Variants in LDHC observed in about 807,000 individuals in gnomAD.
The protein encoded by LDHC is L-lactate dehydrogenase C chain.
A neutral mutation model predicts 30.2 loss-of-function variants in LDHC; 20 were observed. The ratio of observed to expected loss-of-function variants is 0.66; its 90% confidence interval spans 0.47 to 0.96. The LOEUF is 0.96. Ranked by LOEUF, LDHC falls within the 40% of genes least tolerant of loss-of-function variation. The pLI is 0.00. For synonymous variants in LDHC, 139 were observed against 132.7 expected, an observed-to-expected ratio of 1.05 and a Z score of -0.32; for missense variants, 362 against 394.9, an observed-to-expected ratio of 0.92 and a Z score of 0.71.
Position 18,451,061 on chromosome 11 carries a change from G to T in LDHC, c.933G>T (p.Glu311Asp). The change falls in exon 8 of 8, where the codon GAG becomes GAT. Residue 311 changes from glutamate (E) to aspartate (D), a missense_variant. Physicochemically the swap from Glu to Asp is conservative, Grantham distance 45. Coordinates refer to ENST00000541669, the MANE Select transcript of LDHC (RefSeq NM_017448.5). ...SDVVKINLNS[E>D]EEALFKKSAE... ...TTGTGAAAATTAACTTGAATTCTGAGGAGGAGGCCCTTTTCAAGAAGAGTG... is the reference window on the plus strand; with the variant it reads ...TTGTGAAAATTAACTTGAATTCTGATGAGGAGGCCCTTTTCAAGAAGAGTG... The T allele has an allele frequency of 6.3e-7, 1 of 1,590,082 alleles. No individual in the cohort carries two copies. The highest frequency in any genetic ancestry group is 1.2e-5 in the South Asian group (1 of 85,876).
At chr11:18,429,390 C>T (rs376609405) in intron 3 of LDHC, among the ~76,000 whole-genome samples, 7 of 152,044 alleles carry the variant, frequency 4.6e-5, no homozygotes, top group Non-Finnish European at 7.4e-5. Flanking sequence ...GGATTACAGG[C>T]GTGAGCCACT....
chr11:18,438,755 T>C (rs1467382217), intron 6 of LDHC, 110 bp downstream of exon 6: 3 of 590,442 alleles, frequency 5.1e-6, no homozygotes, highest in Non-Finnish European at 6.1e-6. Flanking sequence ...TAAATAACTC[T>C]AGGCTCCTGA....
chr11:18,412,985 CCCTTCCTTCCTT>C (rs201993031), intron 2 of LDHC, 142 bp downstream of exon 2: 435 of 356,416 alleles, frequency 1.2e-3, no homozygotes, highest in African/African-American at 9.2e-3. Flanking sequence ...CTCCCTCCCT[CCCTTCCTTCCTT>C]CCTTCCTTCC....
At chr11:18,444,475 G>C (rs557241867) in intron 6 of LDHC, among the ~76,000 whole-genome samples, 5 of 151,348 alleles carry the variant, frequency 3.3e-5, no homozygotes, top group African/African-American at 1.2e-4. Flanking sequence ...CAGAATTGAG[G>C]GTCTAAAAGT....
rs1848329541 is a variant in LDHC at position 18,434,847 on chromosome 11, G to A, written c.526G>A (p.Glu176Lys). The change falls in exon 5 of 8, where the codon GAA becomes AAA. Residue 176 changes from glutamate (E) to lysine (K), a missense_variant. Coordinates refer to ENST00000541669, the MANE Select transcript of LDHC (RefSeq NM_017448.5). Reference sequence around the variant, plus strand: ...TGCCCGTTTCCGTTACCTAATTGGAGAAAAGTTGGGTGTCCACCCCACAAG... The same window carrying A: ...TGCCCGTTTCCGTTACCTAATTGGAAAAAAGTTGGGTGTCCACCCCACAAG... The part of the protein sequence containing the change: ...DSARFRYLIG[E>K]KLGVHPTSCH... 1.2e-6 allele frequency: 2 copies of A among 1,613,248 alleles called. No homozygotes were observed. The highest frequency in any genetic ancestry group is 2.2e-5 in the East Asian group (1 of 44,870).
chr11:18,414,513 A>G lies in LDHC; in HGVS notation c.127-671A>G, dbSNP rs1374528225. On this transcript the variant is annotated intron_variant, in intron 2 of 7. Transcript: ENST00000541669. ...TAAAAGCAGCTTTAGCCAACTCAGA[A>G]ATTAGGGTTAAGGTTAAATATAATA... 5.9e-5 allele frequency among the ~76,000 whole-genome samples: 9 copies of G among 152,126 alleles called. 1 individual carries two copies. The highest frequency in any genetic ancestry group is 5.9e-4 in the Admixed American group (9 of 15,258).
chr11:18,424,390 A>G (rs1248018675), intron 3 of LDHC, among the ~76,000 whole-genome samples: 1 of 152,000 alleles, frequency 6.6e-6, no homozygotes, highest in Non-Finnish European at 1.5e-5. Context: ...TCAAAAAAAA[A>G]CAAAAAAACC....
chr11:18,442,569 T>C (rs529008674), intron 6 of LDHC, among the ~76,000 whole-genome samples: 22 of 152,272 alleles, frequency 1.4e-4, no homozygotes, highest in African/African-American at 5.3e-4. Context: ...TAGACTGTTT[T>C]TTTCCCCCCT....
At position 18,451,169 on chromosome 11, in the gene LDHC, TA is replaced by T; in HGVS notation, c.*43del. The stretch of plus-strand genomic sequence containing the variant: ...GTTCCACTGTTTGGAGAACAGAAGA[TA>T]GCAGGCTGTGTATTTTAAATTTTGA... On this transcript the variant is annotated 3_prime_UTR_variant, in exon 8 of 8. Transcript: ENST00000541669. 1 of 1,227,058 alleles carries T rather than the reference TA, an allele frequency of 8.1e-7. No homozygotes were observed. The highest frequency in any genetic ancestry group is 1.1e-6 in the Non-Finnish European group (1 of 909,630). 76.0% of individuals were successfully genotyped at this position (1,227,058 alleles called of 1,614,324 possible).
chr11:18,438,543 G>A lies in LDHC; in HGVS notation c.608G>A (p.Gly203Glu), dbSNP rs973288590. Residue 203 changes from glycine to glutamate, a missense_variant, in exon 6 of 8, where the codon GGG becomes GAG. Gly to Glu is a moderately conservative substitution (Grantham distance 98). Coordinates refer to ENST00000541669, the MANE Select transcript of LDHC (RefSeq NM_017448.5). ...TATTTTTTAGTGCCCTTATGGAGTG[G>A]GGTGAATGTTGCTGGTGTTGCTCTG... is the stretch of plus-strand genomic sequence containing the variant. ...HGDSSVPLWS[G>E]VNVAGVALKT... The A allele has an allele frequency of 1.9e-6, 3 of 1,608,022 alleles. No individual in the cohort carries two copies. Among genetic ancestry groups the A allele is most frequent in the African/African-American group, 1.3e-5 (1 of 74,764 alleles).
At chr11:18,437,352 A>G (rs1310551011) in intron 5 of LDHC, among the ~76,000 whole-genome samples, 2 of 152,212 alleles carry the variant, frequency 1.3e-5, no homozygotes, top group Non-Finnish European at 2.9e-5. Context: ...TTTTCTAACA[A>G]CCTTATAATT....
At chr11:18,444,381 A>G (rs2658566) in intron 6 of LDHC, among the ~76,000 whole-genome samples, 17,704 of 150,746 alleles carry the variant, frequency 0.12, 1,222 homozygotes, top group East Asian at 0.33. Flanking sequence ...CTTTTCTTCA[A>G]CTCATAGACA....
At chr11:18,424,988 ATAG>A (rs1307731931) in intron 3 of LDHC, among the ~76,000 whole-genome samples, 1 of 152,222 alleles carries the variant, frequency 6.6e-6, no homozygotes, top group African/African-American at 2.4e-5. Flanking sequence ...AGCCTGGGTG[ATAG>A]AGCCATCTCA....
At chr11:18,420,300 A>G (rs1687491809) in intron 3 of LDHC, among the ~76,000 whole-genome samples, 2 of 152,342 alleles carry the variant, frequency 1.3e-5, no homozygotes, top group Middle Eastern at 3.4e-3. Context: ...ATCAACCCAC[A>G]GATTTAAGAA....
In LDHC at chr11:18,450,730, T is replaced by C. The variant is rs1848641237; in HGVS notation, c.835-233T>C. 1.8e-5 allele frequency: 7 copies of C among 395,050 alleles called. 1 individual carries two copies. The South Asian group carries it at 3.0e-4, about 17-fold the overall frequency. 24.5% of individuals were successfully genotyped at this position (395,050 alleles called of 1,614,324 possible). ...GGTAAGGGATAAGGTAAATTGTATG[T>C]TTCTGGGTCCTTCTAAAGGCCTCTG... is the stretch of plus-strand genomic sequence containing the variant. On this transcript the variant is annotated intron_variant, in intron 7 of 7. Coordinates refer to ENST00000541669, the MANE Select transcript of LDHC (RefSeq NM_017448.5).
intron 1 of LDHC, 135 bp downstream of exon 1, chr11:18,412,543 A>T: frequency 1.7e-6 from 1 of 586,790 alleles, no homozygotes. Context: ...CAGCCCTCCC[A>T]TTGCCTGGTA....
intron 4 of LDHC, among the ~76,000 whole-genome samples, chr11:18,430,405 C>A (rs986982869): frequency 2.6e-5 from 4 of 151,942 alleles, no homozygotes; most frequent in African/African-American, 9.7e-5. Flanking sequence ...GAGTGCAGGG[C>A]GTAATCTTGA....
At chr11:18,446,430 A>C (rs892785153) in intron 7 of LDHC, 97 bp downstream of exon 7, 4 of 908,966 alleles carry the variant, frequency 4.4e-6, no homozygotes, top group African/African-American at 3.4e-5. Flanking sequence ...TGAGGATATA[A>C]TAGTGAATAA....
chr11:18,448,066 AAAAG>A (rs1195708742), intron 7 of LDHC, among the ~76,000 whole-genome samples: 1 of 151,356 alleles, frequency 6.6e-6, no homozygotes, highest in Non-Finnish European at 1.5e-5. Context: ...AAAAAAAAAA[AAAAG>A]ATTTGGAAGA....
Sources: gnomAD v4.1 joint callset for allele counts (sites outside exome capture counted in the v4.1 genomes callset) on GRCh38, gnomAD v4.1.1 for gene constraint, MANE v1.5 for transcripts, NCBI Gene and HGNC (gene_info 2026-07-23, HGNC 2026-07-21) for gene names.